GGA2: variants seen among roughly 807,000 people sequenced by gnomAD.
GGA2 encodes ADP-ribosylation factor-binding protein GGA2.
In GGA2, 48 loss-of-function variants were observed where a neutral mutation model predicts 79.5. The observed-to-expected ratio is 0.60, with a 90% confidence interval of 0.48 to 0.77. The LOEUF (loss-of-function observed/expected upper bound fraction) is 0.77. Among genes scored for constraint, GGA2 ranks in the 30% least tolerant of loss-of-function variants. The pLI is 0.00. For synonymous variants in GGA2, 317 were observed against 302.0 expected (o/e 1.05, Z -0.51); for missense variants, 770 against 774.0 (o/e 0.99, Z 0.06).
At chr16:23,512,456 G>C (rs140921940), upstream of GGA2, among the ~76,000 whole-genome samples, 1 of 152,194 alleles carries the variant, frequency 6.6e-6, no homozygotes, top group Admixed American at 6.5e-5. Context: ...TTAGACCATA[G>C]GTACGTATGC....
At chr16:23,493,611 T>C in intron 3 of GGA2, 153 bp from the exon 4 acceptor site, 1 of 609,894 alleles carries the variant, frequency 1.6e-6, no homozygotes, top group Non-Finnish European at 2.9e-6. Flanking sequence ...GAAGAGGACG[T>C]TTTCAGATCA....
At chr16:23,469,969 C>A in intron 15 of GGA2, 27 bp downstream of exon 15, 1 of 1,452,048 alleles carries the variant, frequency 6.9e-7, no homozygotes, top group Non-Finnish European at 9.1e-7. Context: ...ACAGCCATTA[C>A]TGAGAAATCC....
intron 1 of GGA2, among the ~76,000 whole-genome samples, chr16:23,496,363 C>A (rs1231784528): frequency 2.0e-5 from 3 of 151,058 alleles, no homozygotes; most frequent in Admixed American, 6.6e-5. Context: ...AGCGGCTCCA[C>A]TTTTAGTGCA....
intron 6 of GGA2, 124 bp downstream of exon 6, chr16:23,488,482 C>A: frequency 1.4e-6 from 1 of 716,476 alleles, no homozygotes. Context: ...CTCCTAAGGG[C>A]CTGTCTGGAG....
upstream of GGA2, chr16:23,522,051 T>A (rs550581745): frequency 3.1e-6 from 1 of 325,388 alleles, no homozygotes; most frequent in Non-Finnish European, 6.1e-6. Context: ...GATGATGGAC[T>A]AAGGCATTTA....
chr16:23,509,819 AAAAGGT>A (rs1420301364), intron 1 of GGA2, among the ~76,000 whole-genome samples: 1 of 151,250 alleles, frequency 6.6e-6, no homozygotes, highest in Non-Finnish European at 1.5e-5. Flanking sequence ...AAGTAAACAC[AAAAGGT>A]AAAAAATTTC....
At chr16:23,494,855 G>T (rs1001777071) in intron 2 of GGA2, among the ~76,000 whole-genome samples, 6 of 152,208 alleles carry the variant, frequency 3.9e-5, no homozygotes, top group Middle Eastern at 3.2e-3. Context: ...GTCAGGGCAG[G>T]TGGATCACCT....
chr16:23,523,387 G>GGTCTCCA (rs1429542220), upstream of GGA2: 1 of 152,234 alleles, frequency 6.6e-6, no homozygotes, highest in Non-Finnish European at 1.5e-5. Flanking sequence ...GAAGGGTGAA[G>GGTCTCCA]GTCTCCAGTC....
rs1319173795 is a variant in GGA2 at position 23,467,023 on chromosome 16, A to T, written c.*567T>A. 1 of 155,024 alleles carries T rather than the reference A, an allele frequency of 6.5e-6. No individual in the cohort carries two copies. Among genetic ancestry groups the T allele is most frequent in the Non-Finnish European group, 1.4e-5 (1 of 69,632 alleles). The allele number at this position is 155,024 out of a possible 1,614,324, so 9.6% of individuals were successfully genotyped here. ...GTGCAACAAGCATTCCATTTAGAAG[A>T]TCTTCCAGAACACACACAAGAAGCA... On this transcript the variant is annotated 3_prime_UTR_variant, in exon 17 of 17. Transcript: ENST00000309859.
Position 23,467,424 on chromosome 16 carries a change from A to ACAC in GGA2, c.*163_*165dup, listed in dbSNP as rs1964453683. Reference sequence around the variant, plus strand: ...CACACACACACACACACACACACACACACACACACAGAGCATCTGCAGAAT... The same window carrying ACAC: ...CACACACACACACACACACACACACACACCACACACACAGAGCATCTGCAGAAT... On this transcript the variant is annotated 3_prime_UTR_variant, in exon 17 of 17. Coordinates refer to ENST00000309859, the MANE Select transcript of GGA2 (RefSeq NM_015044.4). 4.9e-6 allele frequency: 3 copies of ACAC among 613,674 alleles called. No individual in the cohort carries two copies. The highest frequency in any genetic ancestry group is 8.9e-6 in the Non-Finnish European group (3 of 338,700). The allele number at this position is 613,674 out of a possible 1,614,324, so 38.0% of individuals were successfully genotyped here. A position where few individuals can be genotyped will look rare whatever the true frequency, so the allele number is the denominator to read the frequency against.
At chr16:23,493,743 G>A (rs1249807920) in intron 3 of GGA2, 2 of 378,970 alleles carry the variant, frequency 5.3e-6, no homozygotes, top group African/African-American at 4.1e-5. Context: ...CCTTTGAGAG[G>A]AGAAAGTGGC....
At chr16:23,506,300 GCCCA>G (rs1397856264) in intron 1 of GGA2, among the ~76,000 whole-genome samples, 6 of 151,914 alleles carry the variant, frequency 3.9e-5, no homozygotes, top group African/African-American at 1.2e-4. Context: ...AGCACCAATG[GCCCA>G]CCATCCCCAA....
At chr16:23,504,494 A>G (rs1361441838) in intron 1 of GGA2, among the ~76,000 whole-genome samples, 3 of 152,248 alleles carry the variant, frequency 2.0e-5, no homozygotes, top group African/African-American at 4.8e-5. Flanking sequence ...ACATACTGAT[A>G]ACACGGAGAG....
chr16:23,512,840 G>A (rs377739464), upstream of GGA2, among the ~76,000 whole-genome samples: 12 of 149,872 alleles, frequency 8.0e-5, no homozygotes, highest in South Asian at 8.5e-4. Context: ...GAGCAGCTGG[G>A]AATACAGGCG....
chr16:23,480,727 C>G lies in GGA2; in HGVS notation c.924G>C (p.Leu308=). Residue 308 remains leucine, a synonymous_variant, in exon 10 of 17, where the codon CTG becomes CTC. Coordinates refer to ENST00000309859, the MANE Select transcript of GGA2 (RefSeq NM_015044.4). ...GGCCCTCCATCACCTGTTTGTACAG[C>G]AGAACTCCTTGGGTGAGGAGGTCAT... ...QANDLLTQGV[L]LYKQVMEGRV... 2 of 1,613,312 alleles carry G rather than the reference C, an allele frequency of 1.2e-6. No homozygotes were observed. Among genetic ancestry groups the G allele is most frequent in the Non-Finnish European group, 8.5e-7 (1 of 1,179,220 alleles).
intron 1 of GGA2, among the ~76,000 whole-genome samples, chr16:23,520,178 G>A (rs776863335): frequency 6.6e-6 from 1 of 151,130 alleles, no homozygotes; most frequent in African/African-American, 2.4e-5. Flanking sequence ...ACTTGAACCC[G>A]GGAAGTGGAG....
chr16:23,484,360 C>A (rs1327374375), intron 8 of GGA2, among the ~76,000 whole-genome samples: 3 of 151,970 alleles, frequency 2.0e-5, no homozygotes, highest in Non-Finnish European at 2.9e-5. Flanking sequence ...AGAAGTCGTG[C>A]GGAGCTGAGA....
At position 23,467,610 on chromosome 16, in the gene GGA2, C is replaced by G; in HGVS notation, c.1822G>C (p.Ala608Pro). 1 of 1,584,576 alleles carries G rather than the reference C, an allele frequency of 6.3e-7. No individual in the cohort carries two copies. The highest frequency in any genetic ancestry group is 8.7e-7 in the Non-Finnish European group (1 of 1,153,456). ...VGEVKDFPDL[A>P]VLGAA The stretch of plus-strand genomic sequence containing the variant: ...AAAAGTTAGGCTGCGCCCAAGACAG[C>G]CAGGTCTGGGAAGTCTTTCACTTCT... The change falls in exon 17 of 17, where the codon GCT (alanine) becomes CCT (proline). Residue 608 changes from alanine to proline, a missense_variant. By Grantham distance (27) the Ala-to-Pro change is conservative. Coordinates refer to ENST00000309859, the MANE Select transcript of GGA2 (RefSeq NM_015044.4).
chr16:23,482,514 C>T (rs1964660879), intron 9 of GGA2, among the ~76,000 whole-genome samples: 1 of 152,104 alleles, frequency 6.6e-6, no homozygotes, highest in South Asian at 2.1e-4. Context: ...TACAGATGTA[C>T]CTTCCATTTC....
Sources: allele counts gnomAD v4.1 joint callset (sites outside exome capture counted in the v4.1 genomes callset), GRCh38; gene constraint gnomAD v4.1.1; transcripts MANE v1.5; gene names NCBI Gene and HGNC (gene_info 2026-07-23, HGNC 2026-07-21).